The following FMN1 variants were observed in gnomAD, a reference collection of about 807,000 sequenced individuals.
FMN1 encodes the protein formin 1.
A neutral mutation model predicts 132.4 loss-of-function variants in FMN1; 110 were observed. The ratio of observed to expected loss-of-function variants is 0.83; its 90% CI spans 0.71 to 0.97. The LOEUF is 0.97. Ranked by LOEUF, FMN1 falls within the 50% of genes least tolerant of loss-of-function variation. The pLI is 0.00. For missense variants in FMN1, 1,792 were observed against 1,705.3 expected, an observed-to-expected ratio of 1.05 and a Z score of -0.90; for synonymous variants, 722 against 651.7, an observed-to-expected ratio of 1.11 and a Z score of -1.64.
chr15:32,886,533 C>T (rs1227626384), intron 16 of FMN1, among the ~76,000 whole-genome samples: 1 of 152,184 alleles, frequency 6.6e-6, no homozygotes, highest in Non-Finnish European at 1.5e-5. Flanking sequence ...CTGCTCGCCT[C>T]CCAGTTCACT....
chr15:32,864,408 C>T (rs1000956146), intron 16 of FMN1, among the ~76,000 whole-genome samples: 8 of 152,170 alleles, frequency 5.3e-5, no homozygotes, highest in South Asian at 2.1e-4. Flanking sequence ...TACTAAATAG[C>T]CCTTCAAAGC....
At chr15:33,011,141 CTAA>C (rs1288347295) in intron 6 of FMN1, among the ~76,000 whole-genome samples, 2 of 152,202 alleles carry the variant, frequency 1.3e-5, no homozygotes, top group East Asian at 1.9e-4. Flanking sequence ...ACCTTACCTC[CTAA>C]TGAGAATTAT....
At chr15:33,107,810 G>C (rs1212099646) in intron 4 of FMN1, among the ~76,000 whole-genome samples, 3 of 151,964 alleles carry the variant, frequency 2.0e-5, no homozygotes, top group Admixed American at 2.0e-4. Flanking sequence ...TATCAGATCT[G>C]GTTTTCTTCT....
chr15:32,940,328 C>T (rs749260484), intron 9 of FMN1, among the ~76,000 whole-genome samples: 1 of 152,190 alleles, frequency 6.6e-6, no homozygotes, highest in Non-Finnish European at 1.5e-5. Context: ...GAAAGGCAGA[C>T]AGTCCAATTC....
chr15:32,865,121 G>A (rs1234484424), intron 16 of FMN1, among the ~76,000 whole-genome samples: 1 of 151,716 alleles, frequency 6.6e-6, no homozygotes, highest in Non-Finnish European at 1.5e-5. Flanking sequence ...GAGAGAGAGA[G>A]GTGACAGCTA....
chr15:32,789,421 A>G (rs1215192231), intron 19 of FMN1, among the ~76,000 whole-genome samples: 1 of 152,190 alleles, frequency 6.6e-6, no homozygotes, highest in African/African-American at 2.4e-5. Context: ...ATATTTTTAG[A>G]TTATACCATT....
intron 7 of FMN1, among the ~76,000 whole-genome samples, chr15:32,980,602 A>G (rs1429743507): frequency 3.3e-5 from 5 of 151,926 alleles, no homozygotes; most frequent in Non-Finnish European, 5.9e-5. Flanking sequence ...TTGGTTAACC[A>G]TTTTCTGTTT....
chr15:32,874,017 G>GGTTT (rs2059580282), intron 16 of FMN1, among the ~76,000 whole-genome samples: 1 of 115,104 alleles, frequency 8.7e-6, no homozygotes, highest in Non-Finnish European at 1.8e-5. Context: ...TATTTTAGTT[G>GGTTT]TTTTTTTTTT....
At chr15:32,879,777 T>C (rs562814581) in intron 16 of FMN1, among the ~76,000 whole-genome samples, 7 of 152,162 alleles carry the variant, frequency 4.6e-5, no homozygotes, top group Non-Finnish European at 1.0e-4. Context: ...TAAATCTCAG[T>C]TCAGTACTAT....
At chr15:33,102,054 C>G (rs1324817100) in intron 4 of FMN1, among the ~76,000 whole-genome samples, 3 of 152,122 alleles carry the variant, frequency 2.0e-5, no homozygotes, top group Admixed American at 2.0e-4. Context: ...GTCTTCCAAA[C>G]TAAGTTTATC....
chr15:32,993,903 G>A (rs1473667504), intron 7 of FMN1, among the ~76,000 whole-genome samples: 1 of 147,122 alleles, frequency 6.8e-6, no homozygotes, highest in South Asian at 2.2e-4. Flanking sequence ...ACAGCAGCCG[G>A]GGGCGGGGTG....
At chr15:33,125,220 T>C (rs1962939608) in intron 4 of FMN1, among the ~76,000 whole-genome samples, 1 of 151,960 alleles carries the variant, frequency 6.6e-6, no homozygotes, top group Non-Finnish European at 1.5e-5. Flanking sequence ...CACCTAATTT[T>C]TGTCTTCCAT....
intron 15 of FMN1, among the ~76,000 whole-genome samples, chr15:32,898,415 T>C (rs928436391): frequency 5.9e-5 from 9 of 152,232 alleles, no homozygotes; most frequent in Non-Finnish European, 1.3e-4. Context: ...AAATTCTACA[T>C]CTTCAGTCTG....
At chr15:33,011,323 T>C (rs2034706413) in intron 6 of FMN1, among the ~76,000 whole-genome samples, 3 of 152,106 alleles carry the variant, frequency 2.0e-5, no homozygotes, top group South Asian at 4.1e-4. Flanking sequence ...AATGATCTTT[T>C]CAATAACTAT....
At chr15:33,064,732 A>G (rs2037639828) in intron 6 of FMN1, 1 of 362,294 alleles carries the variant, frequency 2.8e-6, no homozygotes, top group East Asian at 5.0e-5. Context: ...CTTCACACAC[A>G]TTCCCCCTTT....
chr15:32,815,296 A>AT (rs945774091), intron 17 of FMN1, among the ~76,000 whole-genome samples: 2 of 152,142 alleles, frequency 1.3e-5, no homozygotes, highest in African/African-American at 4.8e-5. Context: ...AGCAACTCTC[A>AT]TTTTTTTAAC....
intron 3 of FMN1, among the ~76,000 whole-genome samples, chr15:33,170,949 T>C (rs1038302311): frequency 1.3e-5 from 2 of 152,318 alleles, no homozygotes; most frequent in Admixed American, 1.3e-4. Context: ...ACCCTCATGT[T>C]TACTGCATAG....
At chr15:33,079,398 G>A (rs1463989469) in intron 5 of FMN1, among the ~76,000 whole-genome samples, 1 of 152,196 alleles carries the variant, frequency 6.6e-6, no homozygotes, top group African/African-American at 2.4e-5. Flanking sequence ...GAGGGAGGGA[G>A]GATCACCTGA....
intron 10 of FMN1, among the ~76,000 whole-genome samples, 170 bp downstream of exon 10, chr15:32,926,004 A>AC (rs2060950140): frequency 6.6e-6 from 1 of 152,152 alleles, no homozygotes; most frequent in Admixed American, 6.5e-5. Flanking sequence ...ACTTGGTGAG[A>AC]GGGGGGCATT....
Sources: gnomAD v4.1 joint callset for allele counts (sites outside exome capture counted in the v4.1 genomes callset) on GRCh38, gnomAD v4.1.1 for gene constraint, MANE v1.5 for transcripts, NCBI Gene and HGNC (gene_info 2026-07-23, HGNC 2026-07-21) for gene names.